The following ELL2 variants were observed in gnomAD, a reference collection of about 807,000 sequenced individuals.
ELL2 encodes RNA polymerase II elongation factor ELL2.
Under a neutral mutation model 72.8 loss-of-function variants are expected in ELL2, and 21 were observed. The observed-to-expected ratio is 0.29, with a 90% CI of 0.20 to 0.42. ELL2 has a LOEUF of 0.42. Among genes scored for constraint, ELL2 ranks in the 10% least tolerant of loss-of-function variants. ELL2 has a pLI of 1.00. For synonymous variants in ELL2, 266 were observed against 283.2 expected, an observed-to-expected ratio of 0.94 and a Z score of 0.61; for missense variants, 568 against 772.8, an observed-to-expected ratio of 0.73 and a Z score of 3.14.
intron 7 of ELL2, 125 bp from the exon 8 acceptor site, chr5:95,898,935 T>TTAA: frequency 1.5e-6 from 1 of 658,382 alleles, no homozygotes; most frequent in Non-Finnish European, 2.3e-6. Flanking sequence ...GGTTGTAATA[T>TTAA]TACACGCTTT....
At chr5:95,903,853 C>A (rs1749244112) in intron 5 of ELL2, among the ~76,000 whole-genome samples, 1 of 152,150 alleles carries the variant, frequency 6.6e-6, no homozygotes, top group Non-Finnish European at 1.5e-5. Flanking sequence ...CCCCCTTAAT[C>A]CTACTTCTTT....
In ELL2 at chr5:95,953,890, G is replaced by C. The variant is rs577309632; in HGVS notation, c.147+7685C>G. Among the ~76,000 whole-genome samples the C allele has an allele frequency of 4.6e-5, 7 of 152,126 alleles. No individual in the cohort carries two copies. In the East Asian group the frequency reaches 1.2e-3, roughly 25 times the overall value. ...AATCAATAGGACAGAAACCACAGAA[G>C]GTCTGATTTCCATGTTAAAATAAAA... On this transcript the variant is annotated intron_variant, in intron 1 of 11. Coordinates refer to ENST00000237853, the MANE Select transcript of ELL2 (RefSeq NM_012081.6).
intron 1 of ELL2, among the ~76,000 whole-genome samples, chr5:95,953,427 T>C (rs1163983104): frequency 6.6e-6 from 1 of 152,238 alleles, no homozygotes; most frequent in East Asian, 1.9e-4. Context: ...TTTCTAATAA[T>C]GGAGCCAAAA....
chr5:95,900,144 A>T (rs1278817109), intron 7 of ELL2: 1 of 152,132 alleles, frequency 6.6e-6, no homozygotes, highest in Non-Finnish European at 1.5e-5. Context: ...ACTGCCTAGG[A>T]CCTTCTCACC....
chr5:95,928,726 A>T lies in ELL2; in HGVS notation c.196-9181T>A, dbSNP rs553046522. ...GACCTCCACTTTTGAACCATTCTCAATCCCATCATCTAATCATTCAGCTGC... is the reference window on the plus strand; with the variant it reads ...GACCTCCACTTTTGAACCATTCTCATTCCCATCATCTAATCATTCAGCTGC... On this transcript the variant is annotated intron_variant, in intron 2 of 11. Transcript: ENST00000237853. 2.6e-5 allele frequency among the ~76,000 whole-genome samples: 4 copies of T among 152,240 alleles called. No individual in the cohort carries two copies. The South Asian group carries it at 8.3e-4, about 32-fold the overall frequency.
chr5:95,902,480 T>C (rs552850965), intron 5 of ELL2, among the ~76,000 whole-genome samples: 1 of 152,334 alleles, frequency 6.6e-6, no homozygotes, highest in South Asian at 2.1e-4. Context: ...CAGGTTCACG[T>C]GCCAAACCAA....
chr5:95,929,781 T>TTA (rs954159484), intron 2 of ELL2, among the ~76,000 whole-genome samples: 4 of 134,702 alleles, frequency 3.0e-5, no homozygotes, highest in African/African-American at 1.1e-4. Flanking sequence ...AAAGGAAGGG[T>TTA]AAAAAAAAAA....
intron 1 of ELL2, among the ~76,000 whole-genome samples, chr5:95,950,937 TATATATATATATATATAA>T (rs1201175131): frequency 0.01 from 1,202 of 118,828 alleles, 30 homozygotes; most frequent in African/African-American, 0.039. Context: ...TATATATATA[TATATATATATATATATAA>T]AATCTTCATA....
Position 95,898,609 on chromosome 5 carries a change from A to G in ELL2, c.1156T>C (p.Ser386Pro). 6.2e-7 allele frequency: 1 copy of G among 1,613,608 alleles called. No individual in the cohort carries two copies. Among genetic ancestry groups the G allele is most frequent in the Non-Finnish European group, 8.5e-7 (1 of 1,179,740 alleles). Residue 386 changes from serine to proline, a missense_variant, in exon 8 of 12, where the codon TCA (serine) becomes CCA (proline). This residue lies in a region of ELL2 where 511 missense variants were observed against 728.4 expected (regional missense o/e 0.70). Coordinates refer to ENST00000237853, the MANE Select transcript of ELL2 (RefSeq NM_012081.6). ...GAATTTACAATCTGAGGAGGATGTG[A>G]GATGGGCAGATAGGTTGAAGGCAGC... ...PPLPSTYLPISHPPQIVNSNS... is the reference protein window; with the variant it reads ...PPLPSTYLPIPHPPQIVNSNS...
intron 4 of ELL2, among the ~76,000 whole-genome samples, chr5:95,912,953 A>G (rs569305549): frequency 9.2e-5 from 14 of 152,288 alleles, no homozygotes; most frequent in Non-Finnish European, 1.6e-4. Context: ...TCCTTTCATC[A>G]TTTACTATAG....
chr5:95,924,323 A>C (rs1750209649), intron 2 of ELL2, among the ~76,000 whole-genome samples: 1 of 152,226 alleles, frequency 6.6e-6, no homozygotes, highest in East Asian at 1.9e-4. Context: ...GTGAAAATGT[A>C]CTGACTGCTA....
intron 3 of ELL2, among the ~76,000 whole-genome samples, chr5:95,915,278 T>A (rs1440591558): frequency 6.6e-6 from 1 of 152,142 alleles, no homozygotes; most frequent in African/African-American, 2.4e-5. Context: ...AATTTTTGTA[T>A]TTTTAGTAGA....
At chr5:95,916,161 TC>T (rs1749788166) in intron 3 of ELL2, among the ~76,000 whole-genome samples, 1 of 151,616 alleles carries the variant, frequency 6.6e-6, no homozygotes, top group Non-Finnish European at 1.5e-5. Flanking sequence ...CAAAACGTGG[TC>T]AGTAGTTAGC....
At chr5:95,931,360 T>A (rs1330766418) in intron 2 of ELL2, among the ~76,000 whole-genome samples, 1 of 152,158 alleles carries the variant, frequency 6.6e-6, no homozygotes, top group Non-Finnish European at 1.5e-5. Context: ...AATGTTTGCT[T>A]TGATAATACA....
At chr5:95,959,239 CTGT>C (rs1310162228) in intron 1 of ELL2, among the ~76,000 whole-genome samples, 3 of 152,158 alleles carry the variant, frequency 2.0e-5, no homozygotes, top group Non-Finnish European at 2.9e-5. Flanking sequence ...GTACAGTTGC[CTGT>C]TGTTTTCCCA....
intron 4 of ELL2, among the ~76,000 whole-genome samples, chr5:95,910,528 GT>G (rs1440863719): frequency 2.6e-5 from 4 of 151,986 alleles, no homozygotes; most frequent in Non-Finnish European, 5.9e-5. Flanking sequence ...GGAAGATAAT[GT>G]TTTCTAGGTT....
rs1328169711 is a variant in ELL2 at position 95,927,591 on chromosome 5, A to G, written c.196-8046T>C. On this transcript the variant is annotated intron_variant, in intron 2 of 11. Transcript: ENST00000237853. ...TATAGACATACACACACACGTGTGT[A>G]TATAGACATACACACACACGTGTGT... is the stretch of plus-strand genomic sequence containing the variant. Among the ~76,000 whole-genome samples the G allele has an allele frequency of 8.4e-4, 27 of 32,296 alleles. 4 individuals are homozygous for G. Among genetic ancestry groups the G allele is most frequent in the Non-Finnish European group, 8.1e-4 (16 of 19,826 alleles). The allele number at this position is 32,296 out of a possible 152,430, so 21.2% of individuals were successfully genotyped here.
Position 95,961,406 on chromosome 5 carries a change from G to C in ELL2, c.147+169C>G, listed in dbSNP as rs879326604. Among the ~76,000 whole-genome samples the C allele has an allele frequency of 1.9e-3, 281 of 151,674 alleles. 1 individual carries two copies. The highest frequency in any genetic ancestry group is 2.9e-3 in the Non-Finnish European group (200 of 67,834). ...GCTTCCCCAACGCCCAGGCTAGCCC[G>C]GGACCGCGGCGTCAGCCACCCTGCC... On this transcript the variant is annotated intron_variant, in intron 1 of 11. Transcript: ENST00000237853.
chr5:95,961,673 G>T lies in ELL2; in HGVS notation c.49C>A (p.Leu17Met), dbSNP rs773620678. 4 of 1,607,880 alleles carry T rather than the reference G, an allele frequency of 2.5e-6. No individual in the cohort carries two copies. The highest frequency in any genetic ancestry group is 2.2e-5 in the South Asian group (2 of 90,468). Reference protein sequence around the residue: ...GGLREEQRYGLSCGRLGQDNI... With the variant: ...GGLREEQRYGMSCGRLGQDNI... ...TCCTGCCCCAGCCGTCCGCACGACA[G>T]CCCATAGCGCTGCTCCTCCCGCAGG... Residue 17 changes from leucine to methionine, a missense_variant, in exon 1 of 12, where the codon CTG becomes ATG. Transcript: ENST00000237853.
Sources: allele counts gnomAD v4.1 joint callset (sites outside exome capture counted in the v4.1 genomes callset), GRCh38; gene constraint gnomAD v4.1.1; regional missense constraint gnomAD v4.1.1; transcripts MANE v1.5; gene names NCBI Gene and HGNC (gene_info 2026-07-23, HGNC 2026-07-21).